Variants in TMEM38B observed in about 807,000 individuals in gnomAD.
TMEM38B encodes transmembrane protein 38B.
TMEM38B carries 24 observed loss-of-function variants against 28.7 expected under a neutral mutation model. The observed-to-expected ratio is 0.84, with a 90% CI of 0.61 to 1.18. The LOEUF (loss-of-function observed/expected upper bound fraction) is 1.18, where lower values mean the gene tolerates loss of function less well. Among genes scored for constraint, TMEM38B ranks in the 50% most tolerant of loss-of-function variants. The pLI, the probability that TMEM38B is intolerant of heterozygous loss-of-function variation, is 0.00. For missense variants in TMEM38B, 380 were observed against 350.9 expected (o/e 1.08, Z -0.66); for synonymous variants, 131 against 127.7 (o/e 1.03, Z -0.17).
chr9:105,696,349 G>T (rs1394721376), intron 1 of TMEM38B, among the ~76,000 whole-genome samples: 1 of 152,056 alleles, frequency 6.6e-6, no homozygotes, highest in Admixed American at 6.6e-5. Flanking sequence ...GCAGTGGCGC[G>T]ATCTCGGCTC....
chr9:105,772,607 T>C (rs900399506), intron 5 of TMEM38B, among the ~76,000 whole-genome samples: 1 of 152,142 alleles, frequency 6.6e-6, no homozygotes, highest in Admixed American at 6.6e-5. Context: ...GACTGAGTCC[T>C]GATATAAGCT....
chr9:105,719,817 T>C (rs554305843), intron 2 of TMEM38B, among the ~76,000 whole-genome samples: 8 of 152,180 alleles, frequency 5.3e-5, no homozygotes, highest in Admixed American at 2.0e-4. Context: ...ATAACATTCT[T>C]TTGGTTGTTT....
At chr9:105,701,760 C>T (rs1835467510) in intron 1 of TMEM38B, 1 of 152,172 alleles carries the variant, frequency 6.6e-6, no homozygotes, top group African/African-American at 2.4e-5. Context: ...CTAGGGGCTT[C>T]TATGTGATCC....
intron 5 of TMEM38B, 53 bp from the exon 6 acceptor site, chr9:105,773,812 G>C: frequency 3.9e-6 from 6 of 1,547,444 alleles, no homozygotes; most frequent in Admixed American, 1.8e-5. Flanking sequence ...TCTCTCTCTT[G>C]AGAAACAGAA....
At chr9:105,732,788 G>A (rs948768537) in intron 4 of TMEM38B, among the ~76,000 whole-genome samples, 6 of 152,232 alleles carry the variant, frequency 3.9e-5, no homozygotes, top group South Asian at 2.1e-4. Context: ...TCTTGGCAGC[G>A]TGGGCTCTTT....
chr9:105,736,062 T>G (rs1160933779), intron 4 of TMEM38B, among the ~76,000 whole-genome samples: 4 of 151,720 alleles, frequency 2.6e-5, no homozygotes, highest in East Asian at 1.9e-4. Context: ...TTTGTTTTTT[T>G]TTTTTTTGGT....
chr9:105,752,764 C>T (rs1721290985), intron 5 of TMEM38B, among the ~76,000 whole-genome samples: 2 of 152,156 alleles, frequency 1.3e-5, no homozygotes, highest in Admixed American at 1.3e-4. Context: ...CCTCTTCTCC[C>T]CAAAATGATT....
chr9:105,740,161 G>A (rs762842844), intron 4 of TMEM38B, among the ~76,000 whole-genome samples: 7 of 151,968 alleles, frequency 4.6e-5, no homozygotes, highest in African/African-American at 7.2e-5. Flanking sequence ...GGGCTTACAG[G>A]TGTGAGCCAC....
At chr9:105,695,114 T>C (rs1490425440) in intron 1 of TMEM38B, among the ~76,000 whole-genome samples, 3 of 146,604 alleles carry the variant, frequency 2.0e-5, no homozygotes, top group Non-Finnish European at 3.0e-5. Flanking sequence ...ACCACAGATA[T>C]CCGCGCCAGC....
intron 4 of TMEM38B, among the ~76,000 whole-genome samples, chr9:105,729,481 T>C (rs1472541400): frequency 6.6e-6 from 1 of 152,234 alleles, no homozygotes; most frequent in African/African-American, 2.4e-5. Context: ...TTGGTTACTG[T>C]AGCCTTGTAG....
At chr9:105,703,683 A>G (rs1204944928) in intron 1 of TMEM38B, among the ~76,000 whole-genome samples, 14 of 151,736 alleles carry the variant, frequency 9.2e-5, no homozygotes, top group Admixed American at 7.2e-4. Context: ...AAGTGTTCCT[A>G]TTTCTCCACA....
At chr9:105,712,239 A>G (rs994640641) in intron 2 of TMEM38B, among the ~76,000 whole-genome samples, 1 of 152,152 alleles carries the variant, frequency 6.6e-6, no homozygotes, top group African/African-American at 2.4e-5. Context: ...AATAACCATT[A>G]TGATAACATA....
In TMEM38B at chr9:105,720,140, A is replaced by G. The variant is rs142518130; in HGVS notation, c.270-1397A>G. ...TCTTTTTACTACTCTCAGATAGTTT[A>G]TTCTTTTTTCTCAAACTCTTTAATT... On this transcript the variant is annotated intron_variant, in intron 2 of 5. Transcript: ENST00000374692. 8.9e-3 allele frequency among the ~76,000 whole-genome samples: 1,353 copies of G among 152,158 alleles called. 10 individuals are homozygous for G. Among genetic ancestry groups the G allele is most frequent in the Non-Finnish European group, 0.014 (975 of 67,880 alleles).
At chr9:105,759,566 C>T in intron 5 of TMEM38B, 2 of 1,549,904 alleles carry the variant, frequency 1.3e-6, no homozygotes, top group Non-Finnish European at 1.8e-6. Context: ...AATAGCAAAC[C>T]AAGTTGCTGT....
At chr9:105,773,771 A>C in intron 5 of TMEM38B, 94 bp from the exon 6 acceptor site, 1 of 1,196,724 alleles carries the variant, frequency 8.4e-7, no homozygotes, top group Non-Finnish European at 1.2e-6. Context: ...GATTACATTA[A>C]TAATGCATTT....
chr9:105,695,447 G>A (rs1835256321), intron 1 of TMEM38B, among the ~76,000 whole-genome samples: 1 of 152,196 alleles, frequency 6.6e-6, no homozygotes, highest in Admixed American at 6.5e-5. Context: ...GTTACCTGGC[G>A]TAGTTTCACT....
At chr9:105,743,014 G>A (rs1837260247) in intron 4 of TMEM38B, among the ~76,000 whole-genome samples, 1 of 152,078 alleles carries the variant, frequency 6.6e-6, no homozygotes, top group Admixed American at 6.6e-5. Context: ...GGTGCATTTG[G>A]TGGTCCCGCG....
intron 4 of TMEM38B, among the ~76,000 whole-genome samples, chr9:105,725,494 G>A (rs938422678): frequency 1.3e-5 from 2 of 151,550 alleles, no homozygotes; most frequent in Non-Finnish European, 2.9e-5. Flanking sequence ...TAACGATGGG[G>A]ATATGTTCTC....
intron 3 of TMEM38B, among the ~76,000 whole-genome samples, chr9:105,722,206 T>A (rs1836342822): frequency 6.6e-6 from 1 of 152,186 alleles, no homozygotes; most frequent in Admixed American, 6.6e-5. Flanking sequence ...CTGTAACCTC[T>A]TTTTACAGTA....
Sources: allele counts gnomAD v4.1 joint callset (sites outside exome capture counted in the v4.1 genomes callset), GRCh38; gene constraint gnomAD v4.1.1; transcripts MANE v1.5; gene names NCBI Gene and HGNC (gene_info 2026-07-23, HGNC 2026-07-21).